Variants in MOBP observed in about 807,000 individuals in gnomAD.
MOBP encodes the protein myelin associated oligodendrocyte basic protein, also known as myelin-associated oligodendrocyte basic protein.
In MOBP, 5 loss-of-function variants were observed where a neutral mutation model predicts 15.0. That is an observed-to-expected ratio of 0.33 (90% CI 0.17 to 0.70). MOBP has a LOEUF of 0.70. Among genes scored for constraint, MOBP ranks in the 30% least tolerant of loss-of-function variants. The pLI, the probability that MOBP is intolerant of heterozygous loss-of-function variation, is 0.67. For synonymous variants in MOBP, 88 were observed against 99.0 expected, an observed-to-expected ratio of 0.89 and a Z score of 0.66; for missense variants, 188 against 257.8, an observed-to-expected ratio of 0.73 and a Z score of 1.85.
chr3:39,498,530 T>C (rs1352492135), intron 2 of MOBP, among the ~76,000 whole-genome samples: 1 of 152,080 alleles, frequency 6.6e-6, no homozygotes, highest in Admixed American at 6.6e-5. Flanking sequence ...TTTGTATTTT[T>C]AGTAGACACC....
chr3:39,472,551 A>G (rs1277585738), intron 1 of MOBP, among the ~76,000 whole-genome samples: 1 of 152,216 alleles, frequency 6.6e-6, no homozygotes, highest in Non-Finnish European at 1.5e-5. Flanking sequence ...TTCTACTTAA[A>G]AGACTACTCG....
At chr3:39,490,137 T>C (rs1431586453) in intron 2 of MOBP, among the ~76,000 whole-genome samples, 2 of 152,238 alleles carry the variant, frequency 1.3e-5, no homozygotes, top group Non-Finnish European at 2.9e-5. Context: ...TAAAGAATAG[T>C]GAATGCTTCA....
intron 2 of MOBP, among the ~76,000 whole-genome samples, chr3:39,493,107 T>G (rs113799441): frequency 0.024 from 3,643 of 152,266 alleles, 146 homozygotes; most frequent in African/African-American, 0.078. Context: ...CATGACATGA[T>G]TATGCCACAT....
intron 1 of MOBP, among the ~76,000 whole-genome samples, chr3:39,479,607 A>G (rs2042598110): frequency 6.6e-6 from 1 of 152,184 alleles, no homozygotes; most frequent in Non-Finnish European, 1.5e-5. Context: ...GCCGTAGAAA[A>G]GGAGGAGGAT....
At position 39,502,528 on chromosome 3, in the gene MOBP, C is replaced by T. The variant is rs1211003495; in HGVS notation, c.207-7C>T. ...CTCCCGCCTCCAGCTTCTTTTGGCC[C>T]TCTCAGAACCAGCCGCCGTGCCAAG... is the stretch of plus-strand genomic sequence containing the variant. On this transcript the variant is annotated splice_polypyrimidine_tract_variant and splice_region_variant and intron_variant, in intron 3 of 3. Transcript: ENST00000684792. The surrounding 1 kb of genome is among the most constrained non-coding windows in gnomAD (Gnocchi z 6.3). 2.5e-6 allele frequency: 4 copies of T among 1,574,126 alleles called. No homozygotes were observed. The highest frequency in any genetic ancestry group is 2.6e-6 in the Non-Finnish European group (3 of 1,168,710).
intron 2 of MOBP, among the ~76,000 whole-genome samples, chr3:39,497,567 A>G (rs1435375787): frequency 1.3e-5 from 2 of 152,202 alleles, no homozygotes; most frequent in African/African-American, 2.4e-5. Flanking sequence ...TGTGGATTCA[A>G]ATCCCTTGCT....
downstream of MOBP, among the ~76,000 whole-genome samples, chr3:39,520,295 T>C (rs961582716): frequency 6.6e-6 from 1 of 152,240 alleles, no homozygotes. Context: ...GGATAAGTTC[T>C]ATCACTGCTG....
chr3:39,476,427 C>T (rs2042546715), intron 1 of MOBP, among the ~76,000 whole-genome samples: 1 of 152,202 alleles, frequency 6.6e-6, no homozygotes, highest in Non-Finnish European at 1.5e-5. Context: ...CATATGCACA[C>T]ACCTATGTTT....
exon 5 of MOBP, chr3:39,514,044 T>A (rs189075566): frequency 6.6e-6 from 1 of 152,120 alleles, no homozygotes; most frequent in Non-Finnish European, 1.5e-5. Flanking sequence ...CCCTAGAGAG[T>A]GTAGGAGTTG....
intron 1 of MOBP, among the ~76,000 whole-genome samples, chr3:39,478,989 C>T (rs973476863): frequency 6.6e-6 from 1 of 152,054 alleles, no homozygotes; most frequent in Non-Finnish European, 1.5e-5. Context: ...GCCACCACGC[C>T]TGGCTAATTT....
chr3:39,526,635 G>C (rs2043326208), downstream of MOBP: 1 of 152,068 alleles, frequency 6.6e-6, no homozygotes, highest in Middle Eastern at 3.2e-3. Context: ...GTTTTGACTG[G>C]TTTTGGGAAA....
intron 1 of MOBP, among the ~76,000 whole-genome samples, chr3:39,478,705 C>T (rs921925586): frequency 6.6e-6 from 1 of 152,088 alleles, no homozygotes. Context: ...CATAGCCCTG[C>T]AATCGTTGCC....
downstream of MOBP, among the ~76,000 whole-genome samples, chr3:39,506,527 C>A (rs900578654): frequency 1.3e-5 from 2 of 152,134 alleles, no homozygotes; most frequent in Admixed American, 6.5e-5. Flanking sequence ...TTAGTCCTGC[C>A]GAGGACCTCT....
chr3:39,479,030 A>G (rs28371896), intron 1 of MOBP, among the ~76,000 whole-genome samples: 9,070 of 152,052 alleles, frequency 0.06, 765 homozygotes, highest in African/African-American at 0.18. Context: ...GGGCTTCACC[A>G]TCTTGGTCAA....
chr3:39,482,228 G>A (rs532355996), intron 2 of MOBP, among the ~76,000 whole-genome samples: 1 of 152,040 alleles, frequency 6.6e-6, no homozygotes, highest in African/African-American at 2.4e-5. Context: ...TATGTGCAAC[G>A]AATTACCAAG....
chr3:39,488,660 C>A (rs1232020469), intron 2 of MOBP, among the ~76,000 whole-genome samples: 1 of 152,184 alleles, frequency 6.6e-6, no homozygotes, highest in Non-Finnish European at 1.5e-5. Flanking sequence ...TGTACTCTTA[C>A]CTTTTTCCCC....
At chr3:39,482,688 C>T (rs897334355) in intron 2 of MOBP, among the ~76,000 whole-genome samples, 2 of 148,560 alleles carry the variant, frequency 1.3e-5, no homozygotes, top group African/African-American at 5.0e-5. Flanking sequence ...CTGACTATGA[C>T]ATATTTCTAC....
chr3:39,497,049 T>C (rs533463), intron 2 of MOBP, among the ~76,000 whole-genome samples: 41,917 of 152,018 alleles, frequency 0.28, 6,913 homozygotes, highest in African/African-American at 0.46. Context: ...GTAATCTGTC[T>C]GCCTCGGCCT....
intron 4 of MOBP, among the ~76,000 whole-genome samples, chr3:39,509,604 C>T (rs1442947437): frequency 6.6e-6 from 1 of 152,020 alleles, no homozygotes; most frequent in Non-Finnish European, 1.5e-5. Flanking sequence ...ATTCTAGATA[C>T]AAGACATTTA....
Sources: gnomAD v4.1 joint callset for allele counts (sites outside exome capture counted in the v4.1 genomes callset) on GRCh38, gnomAD v4.1.1 for gene constraint, Gnocchi (gnomAD v3.1) non-coding constraint, MANE v1.5 for transcripts, NCBI Gene and HGNC (gene_info 2026-07-23, HGNC 2026-07-21) for gene names.